The following SLC4A4 variants were observed in gnomAD, a reference collection of about 807,000 sequenced individuals.
The protein encoded by SLC4A4 is solute carrier family 4 member 4, also known as electrogenic sodium bicarbonate cotransporter 1.
A neutral mutation model predicts 111.5 loss-of-function variants in SLC4A4; 27 were observed. That is an observed-to-expected ratio of 0.24 (90% CI 0.18 to 0.33). The LOEUF (loss-of-function observed/expected upper bound fraction) is 0.33, where lower values mean the gene tolerates loss of function less well. Among genes scored for constraint, SLC4A4 ranks in the 10% least tolerant of loss-of-function variants. The pLI is 1.00. For missense variants in SLC4A4, 909 were observed against 1,315.5 expected, an observed-to-expected ratio of 0.69 and a Z score of 4.78; for synonymous variants, 443 against 463.4, an observed-to-expected ratio of 0.96 and a Z score of 0.57.
intron 14 of SLC4A4, among the ~76,000 whole-genome samples, chr4:71,474,727 T>C (rs1193247598): frequency 6.6e-6 from 1 of 151,834 alleles, no homozygotes; most frequent in African/African-American, 2.4e-5. Context: ...CAGAAAGTTA[T>C]ATAAAGTAGA....
At chr4:71,256,877 C>G in intron 3 of SLC4A4, among the ~76,000 whole-genome samples, 1 of 152,222 alleles carries the variant, frequency 6.6e-6, no homozygotes, top group East Asian at 1.9e-4. Flanking sequence ...TACTCTCTCT[C>G]TTTCTCTCCT....
intron 16 of SLC4A4, among the ~76,000 whole-genome samples, chr4:71,508,513 A>G (rs1188936732): frequency 2.0e-5 from 3 of 152,148 alleles, no homozygotes; most frequent in Non-Finnish European, 4.4e-5. Context: ...GTCCAGAACA[A>G]ATGGATAAAT....
At chr4:71,129,222 A>G (rs975020905) in intron 2 of SLC4A4, among the ~76,000 whole-genome samples, 3 of 152,196 alleles carry the variant, frequency 2.0e-5, no homozygotes, top group Non-Finnish European at 4.4e-5. Flanking sequence ...GCATCCTACA[A>G]AGGTCTAACA....
chr4:71,115,709 T>G (rs1743226006), intron 2 of SLC4A4, among the ~76,000 whole-genome samples: 1 of 152,232 alleles, frequency 6.6e-6, no homozygotes, highest in Admixed American at 6.5e-5. Context: ...TTCAGTAAAC[T>G]GCATATTTAC....
At chr4:71,113,071 G>A (rs1743138498) in intron 2 of SLC4A4, among the ~76,000 whole-genome samples, 1 of 152,160 alleles carries the variant, frequency 6.6e-6, no homozygotes, top group African/African-American at 2.4e-5. Flanking sequence ...CCTCCAGAGG[G>A]CATGAGGGAC....
chr4:71,567,753 T>G, intron 25 of SLC4A4, 35 bp from the exon 26 acceptor site: 2 of 1,022,576 alleles, frequency 2.0e-6, no homozygotes, highest in African/African-American at 3.3e-5. Context: ...GGAAATCTGA[T>G]TTACTTACTA....
intron 7 of SLC4A4, among the ~76,000 whole-genome samples, chr4:71,418,976 G>C (rs568298226): frequency 6.6e-6 from 1 of 152,308 alleles, no homozygotes; most frequent in African/African-American, 2.4e-5. Context: ...CTGTTTGCCT[G>C]GGTATCCGCA....
At chr4:71,075,822 G>A (rs144241126) in intron 1 of SLC4A4, among the ~76,000 whole-genome samples, 4,054 of 152,070 alleles carry the variant, frequency 0.027, 78 homozygotes, top group Middle Eastern at 0.058. Context: ...AAATTAGCCA[G>A]GCATGGTGGT....
At chr4:71,311,784 C>T (rs1445163924) in intron 3 of SLC4A4, among the ~76,000 whole-genome samples, 3 of 151,270 alleles carry the variant, frequency 2.0e-5, no homozygotes, top group East Asian at 1.9e-4. Flanking sequence ...ACTAGAGAAG[C>T]GAGAGCAAAC....
chr4:71,429,506 A>G (rs1280065008), intron 7 of SLC4A4, among the ~76,000 whole-genome samples: 1 of 152,176 alleles, frequency 6.6e-6, no homozygotes, highest in African/African-American at 2.4e-5. Flanking sequence ...CTCTGGAAGA[A>G]AGAATACAGG....
intron 3 of SLC4A4, among the ~76,000 whole-genome samples, chr4:71,258,783 G>A (rs1445826723): frequency 1.3e-5 from 2 of 152,178 alleles, no homozygotes; most frequent in Non-Finnish European, 2.9e-5. Context: ...ACTTTGGAAA[G>A]TGCCTCATTA....
intron 6 of SLC4A4, among the ~76,000 whole-genome samples, chr4:71,384,206 G>A (rs918855660): frequency 6.6e-5 from 10 of 152,288 alleles, no homozygotes; most frequent in South Asian, 4.1e-4. Context: ...GCTGAATTGC[G>A]TAATTAATCT....
At chr4:71,529,056 T>G (rs1032928826) in intron 16 of SLC4A4, among the ~76,000 whole-genome samples, 1 of 152,212 alleles carries the variant, frequency 6.6e-6, no homozygotes, top group East Asian at 1.9e-4. Context: ...CGATAGTTAA[T>G]GTGGGTAATC....
chr4:71,247,769 G>A (rs1486492750), intron 2 of SLC4A4, among the ~76,000 whole-genome samples: 1 of 152,170 alleles, frequency 6.6e-6, no homozygotes, highest in East Asian at 1.9e-4. Flanking sequence ...TTACAATGCA[G>A]TAGCCCGTGT....
At chr4:71,209,733 A>G (rs908868179) in intron 1 of SLC4A4, among the ~76,000 whole-genome samples, 4 of 152,156 alleles carry the variant, frequency 2.6e-5, no homozygotes, top group Admixed American at 6.5e-5. Context: ...ATTGTGAGAA[A>G]TACCTTTAAA....
chr4:71,188,705 C>A lies in SLC4A4; in HGVS notation c.-2+1304C>A, dbSNP rs150982896. On this transcript the variant is annotated intron_variant, in intron 1 of 25. Transcript: ENST00000264485. ...TCGTCAATGCCATTAGAACAATATT[C>A]AGTAGCTTTTTATAGCCAATGTGAT... Among the ~76,000 whole-genome samples, 514 of 151,694 alleles carry A rather than the reference C, an allele frequency of 3.4e-3. 1 individual carries two copies. Among genetic ancestry groups the A allele is most frequent in the African/African-American group, 0.012 (490 of 41,344 alleles).
chr4:71,347,917 G>T (rs1433987506), intron 4 of SLC4A4, among the ~76,000 whole-genome samples: 1 of 151,986 alleles, frequency 6.6e-6, no homozygotes, highest in African/African-American at 2.4e-5. Flanking sequence ...GAGAAATCAA[G>T]GAGTCATTAC....
intron 3 of SLC4A4, among the ~76,000 whole-genome samples, chr4:71,316,260 G>C (rs944511388): frequency 6.6e-6 from 1 of 152,114 alleles, no homozygotes; most frequent in Non-Finnish European, 1.5e-5. Flanking sequence ...TTTGCCAACA[G>C]CCTTACTTTT....
chr4:71,148,766 T>C (rs1053170597), intron 2 of SLC4A4, among the ~76,000 whole-genome samples: 8 of 152,216 alleles, frequency 5.3e-5, no homozygotes, highest in Admixed American at 2.0e-4. Flanking sequence ...CCACAGTGTA[T>C]GTGTACCACA....
Sources: gnomAD v4.1 joint callset for allele counts (sites outside exome capture counted in the v4.1 genomes callset) on GRCh38, gnomAD v4.1.1 for gene constraint, MANE v1.5 for transcripts, NCBI Gene and HGNC (gene_info 2026-07-23, HGNC 2026-07-21) for gene names.